Variants in KCNN1 observed in about 807,000 individuals in gnomAD.
KCNN1 encodes small conductance calcium-activated potassium channel protein 1.
A neutral mutation model predicts 44.7 loss-of-function variants in KCNN1; 20 were observed. The observed-to-expected ratio is 0.45, with a 90% CI of 0.32 to 0.65. The LOEUF (loss-of-function observed/expected upper bound fraction) is 0.65, where lower values mean the gene tolerates loss of function less well. KCNN1 is among the 30% of genes least tolerant of loss of function. The pLI, the probability that KCNN1 is intolerant of heterozygous loss-of-function variation, is 0.05. For synonymous variants in KCNN1, 324 were observed against 341.7 expected (o/e 0.95, Z 0.57); for missense variants, 632 against 785.3 (o/e 0.80, Z 2.33).
chr19:17,992,207 C>A (rs1429632911), intron 7 of KCNN1, among the ~76,000 whole-genome samples: 1 of 149,792 alleles, frequency 6.7e-6, no homozygotes, highest in East Asian at 2.0e-4. Context: ...CCTGTAGTCC[C>A]AGCTACTCGG....
At chr19:17,971,312 A>T (rs755339786) in intron 1 of KCNN1, among the ~76,000 whole-genome samples, 2 of 151,734 alleles carry the variant, frequency 1.3e-5, no homozygotes, top group Non-Finnish European at 2.9e-5. Flanking sequence ...CACATGGGGG[A>T]CCCCTAGTGC....
intron 1 of KCNN1, among the ~76,000 whole-genome samples, chr19:17,967,812 T>C (rs1296453987): frequency 2.6e-5 from 4 of 151,868 alleles, no homozygotes; most frequent in Admixed American, 1.3e-4. Context: ...GGCCAGCAGA[T>C]GGGAGTTCCC....
chr19:17,969,446 C>G (rs1439040133), intron 1 of KCNN1, among the ~76,000 whole-genome samples: 1 of 152,188 alleles, frequency 6.6e-6, no homozygotes, highest in African/African-American at 2.4e-5. Flanking sequence ...AGGCTCAAAG[C>G]ATAGTAAGAG....
At chr19:17,987,835 C>CT (rs1159202918) in intron 5 of KCNN1, among the ~76,000 whole-genome samples, 1 of 121,282 alleles carries the variant, frequency 8.2e-6, no homozygotes, top group Non-Finnish European at 1.7e-5. Flanking sequence ...CATATCGCTA[C>CT]CAAAAAAAAA....
At chr19:17,989,407 AAGATCATGCC>A (rs1249972160) in intron 6 of KCNN1, among the ~76,000 whole-genome samples, 2 of 152,198 alleles carry the variant, frequency 1.3e-5, no homozygotes, top group East Asian at 3.8e-4. Context: ...GCAGTGAGGC[AAGATCATGCC>A]ACTGCATTCC....
chr19:17,958,270 CAG>C (rs2031590722), intron 2 of KCNN1, among the ~76,000 whole-genome samples: 1 of 152,012 alleles, frequency 6.6e-6, no homozygotes, highest in South Asian at 2.1e-4. Flanking sequence ...CACTTGAGGA[CAG>C]GAGTTCAAGA....
In KCNN1 at chr19:17,974,042, G is replaced by C. The variant is rs1406390392; in HGVS notation, c.154G>C (p.Ala52Pro). The C allele has an allele frequency of 1.2e-6, 2 of 1,609,284 alleles. No individual in the cohort carries two copies. Among genetic ancestry groups the C allele is most frequent in the South Asian group, 2.2e-5 (2 of 90,822 alleles). ...GGTGGTAGTGGCCAAGAGTGAGCCA[G>C]CCCGGCCCTCACCCGGCAGCCCCCG... ...LQVVVAKSEPARPSPGSPRGQ... is the reference protein window; with the variant it reads ...LQVVVAKSEPPRPSPGSPRGQ... The change falls in exon 2 of 10, where the codon GCC (alanine) becomes CCC (proline). Residue 52 changes from alanine to proline, a missense_variant. By Grantham distance (27) the Ala-to-Pro change is conservative (BLOSUM62 -1). Around this residue, in one of 3 missense-constraint regions of KCNN1, gnomAD observed 235 missense variants for 224.0 expected, o/e 1.05. Coordinates refer to ENST00000684775, the MANE Select transcript of KCNN1 (RefSeq NM_001386974.1). This position sits in a 1 kb window ranked among gnomAD's most constrained non-coding sequence, Gnocchi z 7.3.
chr19:17,984,683 T>C (rs1368571213), intron 4 of KCNN1, among the ~76,000 whole-genome samples: 1 of 152,246 alleles, frequency 6.6e-6, no homozygotes, highest in Admixed American at 6.5e-5. Flanking sequence ...CAAGCCTGGC[T>C]GTGACCAGGA....
Position 17,985,355 on chromosome 19 carries a change from A to G in KCNN1, c.961A>G (p.Met321Val). 6.2e-7 allele frequency: 1 copy of G among 1,611,230 alleles called. No homozygotes were observed. The highest frequency in any genetic ancestry group is 8.5e-7 in the Non-Finnish European group (1 of 1,178,234). The change falls in exon 5 of 10, where the codon ATG (methionine) becomes GTG (valine). Residue 321 changes from methionine to valine, a missense_variant. Physicochemically the swap from Met to Val is conservative, Grantham distance 21 (BLOSUM62 1). Transcript: ENST00000684775. Reference sequence around the variant, plus strand: ...AGTGACCAGCAACTTCCTGGGGGCCATGTGGCTGATTTCCATCACCTTCCT... The same window carrying G: ...AGTGACCAGCAACTTCCTGGGGGCCGTGTGGCTGATTTCCATCACCTTCCT... ...QEVTSNFLGA[M>V]WLISITFLSI...
chr19:17,957,117 G>A (rs1269569866), intron 2 of KCNN1, among the ~76,000 whole-genome samples: 1 of 141,490 alleles, frequency 7.1e-6, no homozygotes, highest in African/African-American at 2.6e-5. Flanking sequence ...GACAGAGGGA[G>A]GGAGGAAGGA....
chr19:17,984,144 C>G (rs969102541), intron 4 of KCNN1, among the ~76,000 whole-genome samples: 11 of 149,828 alleles, frequency 7.3e-5, no homozygotes, highest in Admixed American at 1.3e-4. Context: ...GCCTGGGCAA[C>G]AGAGAGAGAT....
intron 9 of KCNN1, among the ~76,000 whole-genome samples, chr19:17,997,872 T>C (rs879688301): frequency 4.1e-5 from 6 of 147,454 alleles, no homozygotes; most frequent in Non-Finnish European, 9.0e-5. Context: ...CACTCCAGCA[T>C]AGGTGACGGA....
chr19:17,965,481 AAAG>A (rs1415262499), upstream of KCNN1, among the ~76,000 whole-genome samples: 4 of 151,876 alleles, frequency 2.6e-5, no homozygotes, highest in Non-Finnish European at 5.9e-5. Context: ...TGTGCTTTAG[AAAG>A]GGGGGCTCCT....
At chr19:17,976,010 C>G (rs2032193144) in intron 3 of KCNN1, among the ~76,000 whole-genome samples, 1 of 152,158 alleles carries the variant, frequency 6.6e-6, no homozygotes, top group East Asian at 1.9e-4. Context: ...CCCGGCTGCA[C>G]ACGCATGTTG....
chr19:17,961,204 A>C (rs907623685), intron 2 of KCNN1, among the ~76,000 whole-genome samples: 2 of 150,854 alleles, frequency 1.3e-5, no homozygotes, highest in African/African-American at 4.9e-5. Context: ...AAAAAAAAAA[A>C]AACCCAGAAA....
At position 17,983,655 on chromosome 19, in the gene KCNN1, A is replaced by G. The variant is rs2032497333; in HGVS notation, c.917+1528A>G. On this transcript the variant is annotated intron_variant, in intron 4 of 9. Transcript: ENST00000684775. This position sits in a 1 kb window ranked among gnomAD's most constrained non-coding sequence, Gnocchi z 4.5. The stretch of plus-strand genomic sequence containing the variant: ...ATCCTAAATTCTGAGCCTGGCGACA[A>G]TGCTTGAAGCCCCCTTGCCTGCCTC... Among the ~76,000 whole-genome samples the G allele has an allele frequency of 6.6e-6, 1 of 151,926 alleles. No individual in the cohort carries two copies. Among genetic ancestry groups the G allele is most frequent in the Non-Finnish European group, 1.5e-5 (1 of 67,948 alleles).
At chr19:17,970,689 G>C (rs1356436974) in intron 1 of KCNN1, among the ~76,000 whole-genome samples, 1 of 151,628 alleles carries the variant, frequency 6.6e-6, no homozygotes, top group Non-Finnish European at 1.5e-5. Context: ...GCCTCCCAAA[G>C]TGCTGGAATT....
chr19:17,998,689 A>C lies in KCNN1; in HGVS notation c.*283A>C. On this transcript the variant is annotated 3_prime_UTR_variant, in exon 10 of 10. Transcript: ENST00000684775. The surrounding 1 kb of genome is among the most constrained non-coding windows in gnomAD (Gnocchi z 5.4). Reference sequence around the variant, plus strand: ...GGGGAGGGGTCCGTGCTGGTTCTGAATAAAGCAGGACCCGCCTAGTGGCTG... The same window carrying C: ...GGGGAGGGGTCCGTGCTGGTTCTGACTAAAGCAGGACCCGCCTAGTGGCTG... 2.7e-6 allele frequency: 1 copy of C among 370,450 alleles called. No homozygotes were observed. Among genetic ancestry groups the C allele is most frequent in the Non-Finnish European group, 4.8e-6 (1 of 206,614 alleles). 22.9% of individuals were successfully genotyped at this position (370,450 alleles called of 1,614,324 possible). A position where few individuals can be genotyped will look rare whatever the true frequency, so the allele number is the denominator to read the frequency against.
chr19:17,999,658 G>A lies in KCNN1; in HGVS notation c.*1252G>A, dbSNP rs775266272. ...AAGTAGAATCAGAAAGGTCCCTGGA[G>A]GCCATGGGCTTGGGTGCTGGGAGCA... On this transcript the variant is annotated 3_prime_UTR_variant, in exon 10 of 10. Transcript: ENST00000684775. 31 of 241,784 alleles carry A rather than the reference G, an allele frequency of 1.3e-4. No homozygotes were observed. Among genetic ancestry groups the A allele is most frequent in the Non-Finnish European group, 2.1e-4 (24 of 115,812 alleles). The allele number at this position is 241,784 out of a possible 1,614,324, so 15.0% of individuals were successfully genotyped here.
Sources: gnomAD v4.1 joint callset for allele counts (sites outside exome capture counted in the v4.1 genomes callset) on GRCh38, gnomAD v4.1.1 for gene constraint, gnomAD v4.1.1 regional missense constraint, Gnocchi (gnomAD v3.1) non-coding constraint, MANE v1.5 for transcripts, NCBI Gene and HGNC (gene_info 2026-07-23, HGNC 2026-07-21) for gene names.